Variants in FLNC observed in about 807,000 individuals in gnomAD.
FLNC encodes the protein filamin-C.
In FLNC, 91 loss-of-function variants were observed where a neutral mutation model predicts 254.3. That is an observed-to-expected ratio of 0.36 (90% CI 0.30 to 0.43). The LOEUF (loss-of-function observed/expected upper bound fraction) is 0.43, where lower values mean the gene tolerates loss of function less well. Among genes scored for constraint, FLNC ranks in the 20% least tolerant of loss-of-function variants. The pLI is 1.00. For missense variants in FLNC, 2,853 were observed against 3,802.6 expected (o/e 0.75, Z 6.57); for synonymous variants, 1,430 against 1,577.2 (o/e 0.91, Z 2.21).
Position 128,844,840 on chromosome 7 carries a change from G to T in FLNC, c.3375G>T (p.Glu1125Asp), listed in dbSNP as rs1317937683. 1 of 1,614,006 alleles carries T rather than the reference G, an allele frequency of 6.2e-7. No homozygotes were observed. The highest frequency in any genetic ancestry group is 8.5e-7 in the Non-Finnish European group (1 of 1,180,040). The change falls in exon 21 of 48, where the codon GAG becomes GAT. Residue 1125 changes from glutamate to aspartate, a missense_variant. Glu to Asp is a conservative substitution (Grantham distance 45). Transcript: ENST00000325888. Reference protein sequence around the residue: ...GSCAVSYLPTEPGEYTINILF... With the variant: ...GSCAVSYLPTDPGEYTINILF... The stretch of plus-strand genomic sequence containing the variant: ...GTGCTGTCAGCTACCTGCCCACGGA[G>T]CCTGGCGAGTACACCATCAACATCC...
At position 128,835,885 on chromosome 7, in the gene FLNC, C is replaced by T. The variant is rs140426916; in HGVS notation, c.601+311C>T. Among the ~76,000 whole-genome samples, 1 of 152,336 alleles carries T rather than the reference C, an allele frequency of 6.6e-6. No individual in the cohort carries two copies. Among genetic ancestry groups the T allele is most frequent in the Non-Finnish European group, 1.5e-5 (1 of 68,024 alleles). ...ACACAGCTTATCTGTGGCAGAACCACCTAGAGCCCAGGGCCTGGACTCCCT... is the reference window on the plus strand; with the variant it reads ...ACACAGCTTATCTGTGGCAGAACCATCTAGAGCCCAGGGCCTGGACTCCCT... On this transcript the variant is annotated intron_variant, in intron 2 of 47. Coordinates refer to ENST00000325888, the MANE Select transcript of FLNC (RefSeq NM_001458.5). The surrounding 1 kb of genome is among the most constrained non-coding windows in gnomAD (Gnocchi z 5.3).
At chr7:128,840,287 C>G in intron 9 of FLNC, 127 bp downstream of exon 9, 6 of 1,202,534 alleles carry the variant, frequency 5.0e-6, no homozygotes, top group Non-Finnish European at 7.2e-6. Context: ...CAGAGGCACC[C>G]CAGAATCTCA....
Position 128,843,307 on chromosome 7 carries a change from C to A in FLNC, c.2629C>A (p.Leu877Met). The change falls in exon 17 of 48, where the codon CTG becomes ATG. Residue 877 changes from leucine (L) to methionine (M), a missense_variant. Transcript: ENST00000325888. ...ASKVKAEGPG[L>M]NRTGVEVGKP... ...CAAAGTCAAGGCCGAGGGCCCTGGG[C>A]TGAATCGCACAGGTGAGTGTCTGGG... 1 of 1,613,006 alleles carries A rather than the reference C, an allele frequency of 6.2e-7. No individual in the cohort carries two copies. Among genetic ancestry groups the A allele is most frequent in the South Asian group, 1.1e-5 (1 of 90,864 alleles).
At position 128,854,648 on chromosome 7, in the gene FLNC, C is replaced by T. The variant is rs1182283562; in HGVS notation, c.6963C>T (p.Gly2321=). The T allele has an allele frequency of 2.5e-6, 4 of 1,612,794 alleles. No homozygotes were observed. The highest frequency in any genetic ancestry group is 3.4e-6 in the Non-Finnish European group (4 of 1,179,620). Residue 2321 remains glycine, a synonymous_variant, in exon 41 of 48, where the codon GGC becomes GGT. Coordinates refer to ENST00000325888, the MANE Select transcript of FLNC (RefSeq NM_001458.5). ...EGGAHKVRAG[G]TGLERGVAGV... ...GTGCCCACAAGGTGCGGGCCGGAGG[C>T]ACAGGGCTGGAGCGAGGTGTGGCCG... is the stretch of plus-strand genomic sequence containing the variant.
At chr7:128,846,590 C>T (rs899694623) in intron 23 of FLNC, 127 bp downstream of exon 23, 9 of 1,407,264 alleles carry the variant, frequency 6.4e-6, no homozygotes, top group African/African-American at 1.4e-5. Flanking sequence ...CAGGAGCAGA[C>T]CCCCTCCAGG....
In FLNC at chr7:128,849,434, G is replaced by A. The variant is rs57797061; in HGVS notation, c.5055G>A (p.Pro1685=). Residue 1685 remains proline, a synonymous_variant, in exon 30 of 48, where the codon CCG becomes CCA. Transcript: ENST00000325888. Reference sequence around the variant, plus strand: ...AGGTGACATGCACGGTGTCCACGCCGGATGGGGCAGAGCTCGATGTGGATG... The same window carrying A: ...AGGTGACATGCACGGTGTCCACGCCAGATGGGGCAGAGCTCGATGTGGATG... ...EGKVTCTVST[P]DGAELDVDVV... is the part of the protein sequence containing the mutation. 7.4e-6 allele frequency: 12 copies of A among 1,614,226 alleles called. No homozygotes were observed. The highest frequency in any genetic ancestry group is 4.0e-5 in the African/African-American group (3 of 75,068).
intron 1 of FLNC, among the ~76,000 whole-genome samples, chr7:128,832,575 C>G (rs115077954): frequency 6.6e-6 from 1 of 152,234 alleles, no homozygotes; most frequent in African/African-American, 2.4e-5. Context: ...TTCCTGAGCA[C>G]ACCTCTCCCC....
At chr7:128,855,859 C>G (rs1364115216) in intron 43 of FLNC, among the ~76,000 whole-genome samples, 1 of 152,212 alleles carries the variant, frequency 6.6e-6, no homozygotes, top group Non-Finnish European at 1.5e-5. Context: ...GCAAGTCACA[C>G]TGAAACATGC....
At chr7:128,850,979 G>A in intron 33 of FLNC, 36 bp downstream of exon 33, 3 of 1,609,698 alleles carry the variant, frequency 1.9e-6, no homozygotes, top group Non-Finnish European at 2.5e-6. Flanking sequence ...GGGCTTGGGT[G>A]AGAGGAGCAG....
intron 36 of FLNC, 30 bp downstream of exon 36, chr7:128,852,782 G>C (rs2128938843): frequency 6.2e-7 from 1 of 1,613,458 alleles, no homozygotes; most frequent in Non-Finnish European, 8.5e-7. Context: ...GGGACCTCAG[G>C]GGTGGGGGCC....
At chr7:128,844,595 G>T in intron 20 of FLNC, 63 bp from the exon 21 acceptor site, 1 of 1,437,030 alleles carries the variant, frequency 7.0e-7, no homozygotes, top group Non-Finnish European at 9.7e-7. Context: ...GTTGGGTGGG[G>T]GCCATGAAGG....
intron 32 of FLNC, 117 bp downstream of exon 32, chr7:128,850,600 G>C (rs1362584563): frequency 5.1e-6 from 6 of 1,187,986 alleles, no homozygotes; most frequent in Non-Finnish European, 7.4e-6. Flanking sequence ...GCTCTACCCA[G>C]GGTCACACAG....
In FLNC at chr7:128,846,441, A is replaced by G. The variant is rs1427423596; in HGVS notation, c.4105A>G (p.Asn1369Asp). The change falls in exon 23 of 48, where the codon AAC becomes GAC. Residue 1369 changes from asparagine to aspartate, a missense_variant. This residue lies in a region of FLNC where 1,573 missense variants were observed against 1,883.5 expected (regional missense o/e 0.84). Transcript: ENST00000325888. ...GLEGGLVNKANRFTVETRGAG... is the reference protein window; with the variant it reads ...GLEGGLVNKADRFTVETRGAG... Reference sequence around the variant, plus strand: ...GGAGGGTGGCTTGGTCAACAAGGCCAACCGATTCACTGTGGAGACCAGGTA... The same window carrying G: ...GGAGGGTGGCTTGGTCAACAAGGCCGACCGATTCACTGTGGAGACCAGGTA... 3 of 1,603,364 alleles carry G rather than the reference A, an allele frequency of 1.9e-6. No homozygotes were observed. In the Admixed American group the frequency reaches 5.0e-5, roughly 27 times the overall value.
chr7:128,838,551 C>T lies in FLNC; in HGVS notation c.1211-52C>T, dbSNP rs113902193. The T allele has an allele frequency of 2.9e-3, 4,648 of 1,608,206 alleles. 126 individuals are homozygous for T. In the African/African-American group the frequency reaches 0.051, roughly 18 times the overall value. ...GTGGGCAGCCTCAGGGTGAGGGCACCGGGGCAGCTGTGTGTGTCCAGAGTG... is the reference window on the plus strand; with the variant it reads ...GTGGGCAGCCTCAGGGTGAGGGCACTGGGGCAGCTGTGTGTGTCCAGAGTG... On this transcript the variant is annotated intron_variant, in intron 7 of 47. Transcript: ENST00000325888.
chr7:128,854,877 G>A lies in FLNC; in HGVS notation c.7100G>A (p.Gly2367Asp), dbSNP rs530590899. 1 of 1,614,116 alleles carries A rather than the reference G, an allele frequency of 6.2e-7. No individual in the cohort carries two copies. The highest frequency in any genetic ancestry group is 1.3e-5 in the African/African-American group (1 of 75,050). ...ATTGCATTTGAGGATCGCAAAGATG[G>A]CTCCTGCGGCGTCTCCTATGTCGTC... ...AEIAFEDRKD[G>D]SCGVSYVVQE... The change falls in exon 42 of 48, where the codon GGC becomes GAC. Residue 2367 changes from glycine (G) to aspartate (D), a missense_variant. Around this residue, in one of 10 missense-constraint regions of FLNC, gnomAD observed 551 missense variants for 835.0 expected, o/e 0.66. Transcript: ENST00000325888.
rs149589336 is a variant in FLNC at position 128,856,683 on chromosome 7, C to G, written c.7384+33C>G. On this transcript the variant is annotated intron_variant, in intron 44 of 47. Coordinates refer to ENST00000325888, the MANE Select transcript of FLNC (RefSeq NM_001458.5). The surrounding 1 kb of genome is among the most constrained non-coding windows in gnomAD (Gnocchi z 5.9). The stretch of plus-strand genomic sequence containing the variant: ...GGCCCTGCCCCTGCCAACTCCCTTC[C>G]GGGCTGGGGCCTTCTGGGGAGGGGA... 1.9e-6 allele frequency: 3 copies of G among 1,613,766 alleles called. No homozygotes were observed. The Admixed American group carries it at 5.0e-5, about 27-fold the overall frequency.
chr7:128,844,673 C>G lies in FLNC; in HGVS notation c.3208C>G (p.Pro1070Ala). The G allele has an allele frequency of 6.2e-7, 1 of 1,612,582 alleles. No homozygotes were observed. Among genetic ancestry groups the G allele is most frequent in the Non-Finnish European group, 8.5e-7 (1 of 1,180,014 alleles). ...CTTCCCCTAGGTCTGTGCTTATGGC[C>G]CGGGTCTCAAGGGTGGACTGGTAGG... is the stretch of plus-strand genomic sequence containing the variant. Reference protein sequence around the residue: ...PDPSKVCAYGPGLKGGLVGTP... With the variant: ...PDPSKVCAYGAGLKGGLVGTP... The change falls in exon 21 of 48, where the codon CCG (proline) becomes GCG (alanine). Residue 1070 changes from proline to alanine, a missense_variant. Around this residue, in one of 10 missense-constraint regions of FLNC, gnomAD observed 1,573 missense variants for 1,883.5 expected, o/e 0.84. Transcript: ENST00000325888.
In FLNC at chr7:128,835,285, G is replaced by T; in HGVS notation, c.353-41G>T. On this transcript the variant is annotated intron_variant, in intron 1 of 47. Transcript: ENST00000325888. This position sits in a 1 kb window ranked among gnomAD's most constrained non-coding sequence, Gnocchi z 5.3. ...GGAGGGTGCTCTGGGGCAGTGGAGG[G>T]TGGGGCGCCCCTGAGCCCGTCTGTG... is the stretch of plus-strand genomic sequence containing the variant. The T allele has an allele frequency of 6.2e-7, 1 of 1,611,336 alleles. No homozygotes were observed. Among genetic ancestry groups the T allele is most frequent in the East Asian group, 2.2e-5 (1 of 44,882 alleles).
At chr7:128,852,234 G>T (rs1387686708) in intron 35 of FLNC, among the ~76,000 whole-genome samples, 1 of 152,150 alleles carries the variant, frequency 6.6e-6, no homozygotes, top group Non-Finnish European at 1.5e-5. Flanking sequence ...TCCCAGAGAG[G>T]CCAAGCAACA....
Sources: allele counts gnomAD v4.1 joint callset (sites outside exome capture counted in the v4.1 genomes callset), GRCh38; gene constraint gnomAD v4.1.1; regional missense constraint gnomAD v4.1.1; non-coding constraint Gnocchi (gnomAD v3.1); transcripts MANE v1.5; gene names NCBI Gene and HGNC (gene_info 2026-07-23, HGNC 2026-07-21).